The following WASF3 variants were observed in gnomAD, a reference collection of about 807,000 sequenced individuals.
WASF3 encodes WASP family member 3.
In WASF3, 11 loss-of-function variants were observed where a neutral mutation model predicts 46.6. The observed-to-expected ratio is 0.24, with a 90% CI of 0.15 to 0.39. The LOEUF is 0.39. Among genes scored for constraint, WASF3 ranks in the 10% least tolerant of loss-of-function variants. The pLI, the probability that WASF3 is intolerant of heterozygous loss-of-function variation, is 1.00. For missense variants in WASF3, 576 were observed against 669.8 expected, an observed-to-expected ratio of 0.86 and a Z score of 1.55; for synonymous variants, 242 against 259.7, an observed-to-expected ratio of 0.93 and a Z score of 0.65.
At chr13:26,638,859 A>T (rs535447025) in intron 2 of WASF3, 2 of 152,154 alleles carry the variant, frequency 1.3e-5, no homozygotes, top group Admixed American at 1.3e-4. Flanking sequence ...TGCTTTCCCT[A>T]TGTGGTAAGT....
chr13:26,640,324 G>A (rs1263892429), intron 2 of WASF3: 1 of 152,006 alleles, frequency 6.6e-6, no homozygotes, highest in Admixed American at 6.5e-5. Flanking sequence ...TGAAGATGAG[G>A]CTGGTTGTAT....
upstream of WASF3, among the ~76,000 whole-genome samples, chr13:26,553,803 C>A (rs547835704): frequency 2.9e-5 from 4 of 139,732 alleles, no homozygotes; most frequent in South Asian, 7.4e-4. Flanking sequence ...GGCGACAGAG[C>A]GAGACTCCAT....
In WASF3 at chr13:26,579,202, A is replaced by G. The variant is rs74549612; in HGVS notation, c.-109+21383A>G. ...TTTTTTTTAAAGATGGGGTCTCACT[A>G]TGCTGCTGAGGCTGGTCTTGAACCC... On this transcript the variant is annotated intron_variant, in intron 1 of 9. Transcript: ENST00000335327. Among the ~76,000 whole-genome samples the G allele has an allele frequency of 9.9e-5, 15 of 151,516 alleles. No homozygotes were observed. In the East Asian group the frequency reaches 2.1e-3, roughly 22 times the overall value.
the WASF3 span, among the ~76,000 whole-genome samples, chr13:26,541,425 G>A: frequency 1.3e-5 from 2 of 152,296 alleles, no homozygotes; most frequent in Middle Eastern, 3.4e-3. Context: ...AATGAGATAA[G>A]ACTATTTTAT....
At chr13:26,621,571 T>C (rs1881307267) in intron 2 of WASF3, among the ~76,000 whole-genome samples, 1 of 152,104 alleles carries the variant, frequency 6.6e-6, no homozygotes, top group African/African-American at 2.4e-5. Flanking sequence ...TCCTAGTCCT[T>C]TGCTGCTTCA....
intron 2 of WASF3, among the ~76,000 whole-genome samples, chr13:26,631,552 C>T (rs1160838143): frequency 1.3e-5 from 2 of 152,038 alleles, no homozygotes; most frequent in Non-Finnish European, 2.9e-5. Context: ...GGTACCAGTA[C>T]CATGCTGTTT....
intron 1 of WASF3, among the ~76,000 whole-genome samples, chr13:26,559,808 C>CTTTTTTTTTTTTTTTTTTTTTT (rs770616922): frequency 1.4e-5 from 1 of 73,434 alleles, no homozygotes; most frequent in Non-Finnish European, 2.5e-5. Context: ...TTCTTTCTTT[C>CTTTTTTTTTTTTTTTTTTTTTT]TTTTTTTTTT....
At position 26,557,683 on chromosome 13, in the gene WASF3, G is replaced by C. The variant is rs1392961682; in HGVS notation, c.-245G>C. On this transcript the variant is annotated 5_prime_UTR_variant, in exon 1 of 10. Transcript: ENST00000335327. ...GCCGGGAGGGGGCGTGGCCGCGGCC[G>C]TGGACGGGCCGGAGGCGGCGTCGCT... 9 of 163,650 alleles carry C rather than the reference G, an allele frequency of 5.5e-5. No individual in the cohort carries two copies. The highest frequency in any genetic ancestry group is 1.2e-4 in the Non-Finnish European group (9 of 76,414). 10.1% of individuals were successfully genotyped at this position (163,650 alleles called of 1,614,324 possible).
At chr13:26,539,388 G>A in the WASF3 span, among the ~76,000 whole-genome samples, 1 of 152,142 alleles carries the variant, frequency 6.6e-6, no homozygotes, top group Admixed American at 6.5e-5. Flanking sequence ...AAACAGGGAA[G>A]GCAATTTAAC....
intron 2 of WASF3, chr13:26,619,584 G>T (rs1485334485): frequency 6.6e-6 from 1 of 152,128 alleles, no homozygotes; most frequent in African/African-American, 2.4e-5. Context: ...GTTATAAAAA[G>T]TCATGTATAT....
At chr13:26,681,956 C>T (rs1032886932) in intron 8 of WASF3, among the ~76,000 whole-genome samples, 3 of 152,192 alleles carry the variant, frequency 2.0e-5, no homozygotes, top group Non-Finnish European at 2.9e-5. Flanking sequence ...ACTGCTAACA[C>T]GTGTCTGCAC....
chr13:26,633,068 TC>T (rs1376578642), intron 2 of WASF3, among the ~76,000 whole-genome samples: 1 of 152,146 alleles, frequency 6.6e-6, no homozygotes, highest in Non-Finnish European at 1.5e-5. Context: ...TCTCTTTTCT[TC>T]TTTATTAGTC....
intron 3 of WASF3, among the ~76,000 whole-genome samples, chr13:26,661,095 A>G (rs778003697): frequency 5.3e-5 from 8 of 152,224 alleles, no homozygotes; most frequent in Non-Finnish European, 1.2e-4. Context: ...TGATCCAAAC[A>G]AATTCTATCA....
Position 26,681,305 on chromosome 13 carries a change from C to A in WASF3, c.968C>A (p.Ala323Asp). ...GGGTCCCAGGCCTCTGCACCGATGG[C>A]TCCAGCAGACTACGGGTAACTCAGC... ...PEGSQASAPMAPADYGMLPAQ... is the reference protein window; with the variant it reads ...PEGSQASAPMDPADYGMLPAQ... The change falls in exon 8 of 10, where the codon GCT (alanine) becomes GAT (aspartate). Residue 323 changes from alanine to aspartate, a missense_variant. Physicochemically the swap from Ala to Asp is moderately radical, Grantham distance 126. Coordinates refer to ENST00000335327, the MANE Select transcript of WASF3 (RefSeq NM_006646.6). 6.3e-7 allele frequency: 1 copy of A among 1,598,962 alleles called. No individual in the cohort carries two copies.
At chr13:26,568,857 C>T (rs536899988) in intron 1 of WASF3, among the ~76,000 whole-genome samples, 8 of 152,046 alleles carry the variant, frequency 5.3e-5, no homozygotes, top group South Asian at 4.2e-4. Flanking sequence ...CTACTTTCCC[C>T]GTATGCCTGG....
chr13:26,653,275 G>C (rs1032942161), intron 3 of WASF3, among the ~76,000 whole-genome samples: 1 of 151,922 alleles, frequency 6.6e-6, no homozygotes, highest in Non-Finnish European at 1.5e-5. Flanking sequence ...CTCTTTCTGT[G>C]TCATTCTCAT....
At chr13:26,623,088 G>A (rs970949727) in intron 2 of WASF3, among the ~76,000 whole-genome samples, 53 of 152,178 alleles carry the variant, frequency 3.5e-4, no homozygotes, top group African/African-American at 1.2e-3. Flanking sequence ...AAGTGCATAA[G>A]AAGAATTCAG....
chr13:26,680,004 A>G lies in WASF3; in HGVS notation c.717-1050A>G, dbSNP rs779568700. On this transcript the variant is annotated intron_variant, in intron 7 of 9. Coordinates refer to ENST00000335327, the MANE Select transcript of WASF3 (RefSeq NM_006646.6). ...CGTGCATCTTCCCTGCTCCCTCAGCACCCCCAATGTGTGTTTGGTATTTCC... is the reference window on the plus strand; with the variant it reads ...CGTGCATCTTCCCTGCTCCCTCAGCGCCCCCAATGTGTGTTTGGTATTTCC... The G allele has an allele frequency of 6.3e-6, 10 of 1,587,340 alleles. No individual in the cohort carries two copies. The South Asian group carries it at 1.1e-4, about 18-fold the overall frequency.
intron 1 of WASF3, among the ~76,000 whole-genome samples, chr13:26,598,903 C>T (rs1880558050): frequency 6.6e-6 from 1 of 152,170 alleles, no homozygotes; most frequent in Non-Finnish European, 1.5e-5. Context: ...CGGAGTCTCG[C>T]TCTGTTGCCC....
Sources: allele counts gnomAD v4.1 joint callset (sites outside exome capture counted in the v4.1 genomes callset), GRCh38; gene constraint gnomAD v4.1.1; transcripts MANE v1.5; gene names NCBI Gene and HGNC (gene_info 2026-07-23, HGNC 2026-07-21).